The following HECW1 variants were observed in gnomAD, a reference collection of about 807,000 sequenced individuals.
HECW1 encodes the protein E3 ubiquitin-protein ligase HECW1.
A neutral mutation model predicts 182.3 loss-of-function variants in HECW1; 61 were observed. That is an observed-to-expected ratio of 0.33 (90% confidence interval 0.27 to 0.41). The LOEUF is 0.41. Ranked by LOEUF, HECW1 falls within the 10% of genes least tolerant of loss-of-function variation. The pLI, the probability that HECW1 is intolerant of heterozygous loss-of-function variation, is 1.00. For missense variants in HECW1, 1,739 were observed against 2,108.9 expected (o/e 0.82, Z 3.44); for synonymous variants, 859 against 832.6 (o/e 1.03, Z -0.55).
intron 20 of HECW1, 80 bp from the exon 21 acceptor site, chr7:43,501,133 C>T: frequency 1.3e-6 from 1 of 756,214 alleles, no homozygotes; most frequent in Non-Finnish European, 2.2e-6. Context: ...TGCTGCTACC[C>T]CAATTCGTGA....
chr7:43,354,399 G>A (rs755174548), intron 5 of HECW1, among the ~76,000 whole-genome samples: 4 of 152,064 alleles, frequency 2.6e-5, no homozygotes, highest in South Asian at 2.1e-4. Context: ...CAAACTCAGC[G>A]ATCTCCAAGA....
intron 27 of HECW1, 138 bp downstream of exon 27, chr7:43,550,729 A>C: frequency 3.8e-6 from 3 of 797,870 alleles, no homozygotes; most frequent in Non-Finnish European, 4.0e-6. Context: ...CAGTGGGCTC[A>C]GCGAGTGCTC....
At chr7:43,261,848 GTTTTTTA>G (rs565853132) in intron 3 of HECW1, among the ~76,000 whole-genome samples, 71 of 151,992 alleles carry the variant, frequency 4.7e-4, no homozygotes, top group Admixed American at 2.5e-3. Context: ...GCTTTGTTTT[GTTTTTTA>G]TTTTTTATTT....
chr7:43,354,017 T>A (rs946979951), intron 5 of HECW1, among the ~76,000 whole-genome samples: 1 of 152,048 alleles, frequency 6.6e-6, no homozygotes, highest in Non-Finnish European at 1.5e-5. Context: ...TTTTGGGACC[T>A]CCTCCATTCA....
intron 5 of HECW1, among the ~76,000 whole-genome samples, chr7:43,329,874 C>T (rs1296172827): frequency 2.0e-5 from 3 of 152,146 alleles, no homozygotes; most frequent in African/African-American, 7.2e-5. Context: ...GTCGTTTACC[C>T]AGGGTGGTTA....
chr7:43,187,383 G>C (rs1400191186), intron 2 of HECW1, among the ~76,000 whole-genome samples: 1 of 152,176 alleles, frequency 6.6e-6, no homozygotes. Context: ...CAAAGAATCT[G>C]TGGACGTATT....
intron 5 of HECW1, among the ~76,000 whole-genome samples, chr7:43,352,644 T>G (rs1393947626): frequency 6.6e-6 from 1 of 152,206 alleles, no homozygotes; most frequent in Non-Finnish European, 1.5e-5. Flanking sequence ...TTTCCTTAGA[T>G]GTAAAATAAG....
intron 2 of HECW1, among the ~76,000 whole-genome samples, chr7:43,168,775 TAA>T (rs1791388608): frequency 6.6e-6 from 1 of 152,006 alleles, no homozygotes; most frequent in Non-Finnish European, 1.5e-5. Context: ...ACAGAGGAAG[TAA>T]AAGTCAATAA....
chr7:43,552,581 C>T (rs992733565), intron 28 of HECW1, among the ~76,000 whole-genome samples: 2 of 152,146 alleles, frequency 1.3e-5, no homozygotes. Context: ...CGCCCCTTTC[C>T]CCCAACCCCT....
intron 24 of HECW1, among the ~76,000 whole-genome samples, chr7:43,536,476 G>A (rs563429089): frequency 6.6e-6 from 1 of 152,202 alleles, no homozygotes; most frequent in Admixed American, 6.5e-5. Flanking sequence ...GGGCTGACCC[G>A]CCTTGCCTCC....
chr7:43,391,097 A>T (rs985494574), intron 6 of HECW1, among the ~76,000 whole-genome samples: 3 of 152,200 alleles, frequency 2.0e-5, no homozygotes, highest in Admixed American at 6.5e-5. Flanking sequence ...TAGCACCTAG[A>T]CCCATTTAAA....
intron 5 of HECW1, among the ~76,000 whole-genome samples, chr7:43,336,114 CTT>C (rs1812165574): frequency 9.4e-6 from 1 of 106,462 alleles, no homozygotes. Context: ...TTCTTTCTTT[CTT>C]TCTTTCTTTC....
chr7:43,208,464 G>A (rs1482278876), intron 2 of HECW1, among the ~76,000 whole-genome samples: 1 of 152,180 alleles, frequency 6.6e-6, no homozygotes, highest in South Asian at 2.1e-4. Context: ...AAAGTCTCCC[G>A]GTCTTTCACC....
In HECW1 at chr7:43,452,499, T is replaced by C. The variant is rs576284263; in HGVS notation, c.2500+1570T>C. Among the ~76,000 whole-genome samples the C allele has an allele frequency of 6.6e-5, 10 of 152,352 alleles. No homozygotes were observed. The South Asian group carries it at 2.1e-3, about 32-fold the overall frequency. On this transcript the variant is annotated intron_variant, in intron 12 of 29. Transcript: ENST00000395891. ...TTGGTAATGAATCCTACCAACTGAATATTGTTAAATAATCTCAAATAGTAC... is the reference window on the plus strand; with the variant it reads ...TTGGTAATGAATCCTACCAACTGAACATTGTTAAATAATCTCAAATAGTAC...
At chr7:43,398,557 G>A (rs947090794) in intron 7 of HECW1, among the ~76,000 whole-genome samples, 20 of 152,128 alleles carry the variant, frequency 1.3e-4, no homozygotes, top group African/African-American at 4.8e-4. Context: ...AGTGAGCCCA[G>A]TAAAGCAAAT....
At chr7:43,231,035 C>T (rs1797837083) in intron 2 of HECW1, among the ~76,000 whole-genome samples, 1 of 152,202 alleles carries the variant, frequency 6.6e-6, no homozygotes, top group Non-Finnish European at 1.5e-5. Context: ...TGCTATGTGT[C>T]TGGTGCTATT....
rs547049869 is a variant in HECW1, at chr7:43,446,508, T to C, written c.2398+938T>C. The stretch of plus-strand genomic sequence containing the variant: ...TATTTTGCTGTTCTGCTGTTGAAAT[T>C]AGCCTCCAACAAAAGGCGGGGATAT... On this transcript the variant is annotated intron_variant, in intron 11 of 29. Transcript: ENST00000395891. Among the ~76,000 whole-genome samples the C allele has an allele frequency of 2.6e-5, 4 of 152,336 alleles. No homozygotes were observed. In the South Asian group the frequency reaches 8.3e-4, roughly 32 times the overall value.
At chr7:43,224,371 G>C (rs1414735355) in intron 2 of HECW1, among the ~76,000 whole-genome samples, 1 of 152,162 alleles carries the variant, frequency 6.6e-6, no homozygotes, top group African/African-American at 2.4e-5. Flanking sequence ...AAAATGATCC[G>C]TGTACTTGTA....
intron 5 of HECW1, among the ~76,000 whole-genome samples, chr7:43,339,113 C>T (rs1425131907): frequency 1.3e-5 from 2 of 152,148 alleles, no homozygotes; most frequent in African/African-American, 4.8e-5. Flanking sequence ...CTTTGGATTT[C>T]ATCAGTTTAA....
Sources: allele counts gnomAD v4.1 joint callset (sites outside exome capture counted in the v4.1 genomes callset), GRCh38; gene constraint gnomAD v4.1.1; transcripts MANE v1.5; gene names NCBI Gene and HGNC (gene_info 2026-07-23, HGNC 2026-07-21).